LRRN2: variants seen among roughly 807,000 people sequenced by gnomAD.
LRRN2 encodes the protein leucine-rich repeat neuronal protein 2.
A neutral mutation model predicts 35.7 loss-of-function variants in LRRN2; 10 were observed. The observed-to-expected ratio is 0.28, with a 90% CI of 0.17 to 0.47. LRRN2 has a LOEUF of 0.47. Ranked by LOEUF, LRRN2 falls within the 20% of genes least tolerant of loss-of-function variation. LRRN2 has a pLI of 0.99. For synonymous variants in LRRN2, 391 were observed against 409.6 expected, an observed-to-expected ratio of 0.95 and a Z score of 0.55; for missense variants, 731 against 940.3, an observed-to-expected ratio of 0.78 and a Z score of 2.91.
chr1:204,673,033 AC>A (rs1260694731), intron 1 of LRRN2, among the ~76,000 whole-genome samples: 1 of 151,662 alleles, frequency 6.6e-6, no homozygotes, highest in Non-Finnish European at 1.5e-5. Context: ...ACCGAGGGCC[AC>A]CCCCTCTCTG....
At chr1:204,672,305 C>G (rs926249859) in intron 1 of LRRN2, among the ~76,000 whole-genome samples, 22 of 152,112 alleles carry the variant, frequency 1.4e-4, no homozygotes, top group Non-Finnish European at 2.9e-5. Flanking sequence ...AAGTCCTTCC[C>G]CCTCCCCATT....
intron 1 of LRRN2, among the ~76,000 whole-genome samples, chr1:204,659,609 G>GGTGT (rs113175099): frequency 0.019 from 2,875 of 148,138 alleles, 90 homozygotes; most frequent in African/African-American, 0.06. Context: ...TCTACCTTCA[G>GGTGT]GTGTGTGTGT....
At chr1:204,632,798 G>A (rs916618092) in intron 1 of LRRN2, among the ~76,000 whole-genome samples, 2 of 152,104 alleles carry the variant, frequency 1.3e-5, no homozygotes, top group South Asian at 4.2e-4. Flanking sequence ...GCCAGGCGTG[G>A]TGGCGGGCGC....
At chr1:204,680,659 C>T (rs575151917) in intron 1 of LRRN2, among the ~76,000 whole-genome samples, 2 of 152,276 alleles carry the variant, frequency 1.3e-5, no homozygotes, top group African/African-American at 4.8e-5. Context: ...TCCCCTGCAC[C>T]AAGACATGTG....
intron 1 of LRRN2, among the ~76,000 whole-genome samples, chr1:204,637,399 G>C (rs1365952855): frequency 1.3e-5 from 2 of 152,224 alleles, no homozygotes; most frequent in Admixed American, 6.5e-5. Context: ...TGCACCAGGG[G>C]AGAGGGTGGT....
At chr1:204,657,970 CTTTTTTT>C (rs56792483) in intron 1 of LRRN2, among the ~76,000 whole-genome samples, 3 of 75,262 alleles carry the variant, frequency 4.0e-5, no homozygotes, top group Non-Finnish European at 4.9e-5. Flanking sequence ...GCCAATGGTT[CTTTTTTT>C]TTTTTTTTTT....
At position 204,619,916 on chromosome 1, in the gene LRRN2, T is replaced by C; in HGVS notation, c.77A>G (p.His26Arg). The C allele has an allele frequency of 1.9e-6, 3 of 1,613,784 alleles. No individual in the cohort carries two copies. In the South Asian group the frequency reaches 3.3e-5, roughly 18 times the overall value. The change falls in exon 2 of 2, where the codon CAT becomes CGT. Residue 26 changes from histidine (H) to arginine (R), a missense_variant. His to Arg is a conservative substitution (Grantham distance 29, BLOSUM62 0). This residue lies in a region of LRRN2 where 246 missense variants were observed against 289.5 expected (regional missense o/e 0.85). Coordinates refer to ENST00000367177, the MANE Select transcript of LRRN2 (RefSeq NM_201630.2). The stretch of plus-strand genomic sequence containing the variant: ...GGCACACTGAGGGGGGCAGGGAACA[T>C]GCCAGGGTACCACGGGCACAGCGGC... Reference protein sequence around the residue: ...ATAAVPVVPWHVPCPPQCACQ... With the variant: ...ATAAVPVVPWRVPCPPQCACQ...
intron 1 of LRRN2, among the ~76,000 whole-genome samples, chr1:204,670,378 A>T (rs1416545789): frequency 6.6e-6 from 1 of 152,082 alleles, no homozygotes; most frequent in Non-Finnish European, 1.5e-5. Context: ...GCAGTGGGAG[A>T]TGTAGCAGGA....
chr1:204,618,251 C>T lies in LRRN2; in HGVS notation c.1742G>A (p.Ser581Asn). 6.2e-7 allele frequency: 1 copy of T among 1,612,366 alleles called. No individual in the cohort carries two copies. The highest frequency in any genetic ancestry group is 1.1e-5 in the South Asian group (1 of 90,820). Residue 581 changes from serine to asparagine, a missense_variant, in exon 2 of 2, where the codon AGC becomes AAC. Ser to Asn is a conservative substitution (Grantham distance 46). Around this residue, in one of 3 missense-constraint regions of LRRN2, gnomAD observed 229 missense variants for 258.4 expected, o/e 0.89. Coordinates refer to ENST00000367177, the MANE Select transcript of LRRN2 (RefSeq NM_201630.2). ...ALARLPRGTH[S>N]YNITRLLQAT... is the part of the protein sequence containing the mutation. ...CTGAAGGAGGCGGGTAATGTTGTAG[C>T]TGTGGGTTCCCCGAGGCAGGCGGGC...
Position 204,618,242 on chromosome 1 carries a change from A to G in LRRN2, c.1751T>C (p.Ile584Thr), listed in dbSNP as rs1666516946. ...RLPRGTHSYN[I>T]TRLLQATEYW... ...CTCCGTGGCCTGAAGGAGGCGGGTA[A>G]TGTTGTAGCTGTGGGTTCCCCGAGG... Residue 584 changes from isoleucine (I) to threonine (T), a missense_variant, in exon 2 of 2, where the codon ATT becomes ACT. Ile to Thr is a moderately conservative substitution (Grantham distance 89). Coordinates refer to ENST00000367177, the MANE Select transcript of LRRN2 (RefSeq NM_201630.2). 2.5e-6 allele frequency: 4 copies of G among 1,613,276 alleles called. No individual in the cohort carries two copies. The highest frequency in any genetic ancestry group is 3.4e-6 in the Non-Finnish European group (4 of 1,179,588).
At position 204,656,588 on chromosome 1, in the gene LRRN2, G is replaced by A. The variant is rs115218398; in HGVS notation, c.-227+28732C>T. ...TCTGAGTGTTTGAAAATTTTGGCAC[G>A]AACATTTTTGCAAATGTTTGCATGT... On this transcript the variant is annotated intron_variant, in intron 1 of 1. Coordinates refer to ENST00000367177, the MANE Select transcript of LRRN2 (RefSeq NM_201630.2). Among the ~76,000 whole-genome samples the A allele has an allele frequency of 5.3e-3, 803 of 152,204 alleles. 9 individuals carry two copies. Among genetic ancestry groups the A allele is most frequent in the African/African-American group, 0.018 (763 of 41,512 alleles).
At chr1:204,636,166 T>G (rs746181062) in intron 1 of LRRN2, among the ~76,000 whole-genome samples, 1 of 152,200 alleles carries the variant, frequency 6.6e-6, no homozygotes, top group Non-Finnish European at 1.5e-5. Context: ...CTGGTCATCA[T>G]AGCTACCCTG....
chr1:204,670,989 T>C (rs925382939), intron 1 of LRRN2, among the ~76,000 whole-genome samples: 18 of 152,140 alleles, frequency 1.2e-4, no homozygotes, highest in African/African-American at 4.3e-4. Context: ...GTTTTGCTTG[T>C]TGAAGACATG....
At chr1:204,639,180 G>T (rs896597235) in intron 1 of LRRN2, among the ~76,000 whole-genome samples, 3 of 152,242 alleles carry the variant, frequency 2.0e-5, no homozygotes, top group African/African-American at 7.2e-5. Flanking sequence ...GCATTCCAGT[G>T]CCAGGTCCCC....
intron 1 of LRRN2, among the ~76,000 whole-genome samples, chr1:204,673,473 T>G (rs1350632396): frequency 6.6e-6 from 1 of 152,180 alleles, no homozygotes; most frequent in Non-Finnish European, 1.5e-5. Context: ...CTGAGACACG[T>G]CCAGGGTCAT....
chr1:204,675,012 G>A (rs1021486878), intron 1 of LRRN2, among the ~76,000 whole-genome samples: 2 of 152,202 alleles, frequency 1.3e-5, no homozygotes, highest in African/African-American at 4.8e-5. Flanking sequence ...GTAAGCATCT[G>A]GGATTTCTGA....
At chr1:204,678,548 C>T (rs764008604) in intron 1 of LRRN2, among the ~76,000 whole-genome samples, 1 of 152,198 alleles carries the variant, frequency 6.6e-6, no homozygotes, top group African/African-American at 2.4e-5. Flanking sequence ...CTCCAGACCT[C>T]TCCTAGAGCT....
At position 204,619,859 on chromosome 1, in the gene LRRN2, G is replaced by A. The variant is rs918087646; in HGVS notation, c.134C>T (p.Ser45Leu). Residue 45 changes from serine to leucine, a missense_variant, in exon 2 of 2, where the codon TCG (serine) becomes TTG (leucine). Physicochemically the swap from Ser to Leu is moderately radical, Grantham distance 145. Coordinates refer to ENST00000367177, the MANE Select transcript of LRRN2 (RefSeq NM_201630.2). Reference sequence around the variant, plus strand: ...CACAGTGGTAGCCTCGCGGTAGGACGAGCGGGGCGTATACCAGGGCCGGAT... The same window carrying A: ...CACAGTGGTAGCCTCGCGGTAGGACAAGCGGGGCGTATACCAGGGCCGGAT... ...CQIRPWYTPR[S>L]SYREATTVDC... 12 of 1,613,628 alleles carry A rather than the reference G, an allele frequency of 7.4e-6. No individual in the cohort carries two copies. The highest frequency in any genetic ancestry group is 5.0e-5 in the Admixed American group (3 of 59,980).
rs548242621 is a variant in LRRN2 at position 204,619,829 on chromosome 1, C to T, written c.164G>A (p.Cys55Tyr). The T allele has an allele frequency of 6.2e-7, 1 of 1,613,734 alleles. No homozygotes were observed. The highest frequency in any genetic ancestry group is 1.1e-5 in the South Asian group (1 of 91,030). ...GACTGCCGTCAGGAATAGGTCATTG[C>T]AGTCCACAGTGGTAGCCTCGCGGTA... is the stretch of plus-strand genomic sequence containing the variant. ...SSYREATTVD[C>Y]NDLFLTAVPP... The change falls in exon 2 of 2, where the codon TGC becomes TAC. Residue 55 changes from cysteine to tyrosine, a missense_variant. Physicochemically the swap from Cys to Tyr is radical, Grantham distance 194. Coordinates refer to ENST00000367177, the MANE Select transcript of LRRN2 (RefSeq NM_201630.2).
Sources: gnomAD v4.1 joint callset for allele counts (sites outside exome capture counted in the v4.1 genomes callset) on GRCh38, gnomAD v4.1.1 for gene constraint, gnomAD v4.1.1 regional missense constraint, MANE v1.5 for transcripts, NCBI Gene and HGNC (gene_info 2026-07-23, HGNC 2026-07-21) for gene names.